Variants in ASAP1 observed in about 807,000 individuals in gnomAD.
ASAP1 encodes arf-GAP with SH3 domain, ANK repeat and PH domain-containing protein 1.
A neutral mutation model predicts 145.2 loss-of-function variants in ASAP1; 43 were observed. That is an observed-to-expected ratio of 0.30 (90% confidence interval 0.23 to 0.38). ASAP1 has a LOEUF of 0.38. Among genes scored for constraint, ASAP1 ranks in the 10% least tolerant of loss-of-function variants. ASAP1 has a pLI of 1.00. For missense variants in ASAP1, 1,018 were observed against 1,355.3 expected, an observed-to-expected ratio of 0.75 and a Z score of 3.91; for synonymous variants, 546 against 515.5, an observed-to-expected ratio of 1.06 and a Z score of -0.80.
intron 7 of ASAP1, among the ~76,000 whole-genome samples, chr8:130,185,729 CAAAAAAAAA>C (rs778486303): frequency 1.8e-5 from 1 of 57,120 alleles, no homozygotes; most frequent in African/African-American, 6.0e-5. Flanking sequence ...AACTCCGCCT[CAAAAAAAAA>C]AAAAAAAAAA....
chr8:130,294,353 C>T (rs533707088), intron 3 of ASAP1, among the ~76,000 whole-genome samples: 12 of 152,304 alleles, frequency 7.9e-5, no homozygotes, highest in African/African-American at 2.9e-4. Context: ...CCCTGGTGTA[C>T]AGTCACCTCC....
At chr8:130,168,559 C>T (rs964799860) in intron 10 of ASAP1, among the ~76,000 whole-genome samples, 1 of 152,158 alleles carries the variant, frequency 6.6e-6, no homozygotes, top group Non-Finnish European at 1.5e-5. Flanking sequence ...CACTGTACTC[C>T]AGCCTGGGCG....
chr8:130,317,555 A>G (rs1823740469), intron 3 of ASAP1, among the ~76,000 whole-genome samples: 1 of 152,176 alleles, frequency 6.6e-6, no homozygotes, highest in Admixed American at 6.5e-5. Context: ...GGTTTTTTAT[A>G]GCCTCCTCTC....
chr8:130,152,686 G>C (rs780163111), intron 13 of ASAP1, 50 bp downstream of exon 13: 7 of 1,400,180 alleles, frequency 5.0e-6, no homozygotes, highest in Non-Finnish European at 7.0e-6. Flanking sequence ...GTACATAATC[G>C]TGTTTGCTTT....
At chr8:130,378,578 G>T (rs772894179) in intron 2 of ASAP1, among the ~76,000 whole-genome samples, 1 of 152,184 alleles carries the variant, frequency 6.6e-6, no homozygotes, top group Non-Finnish European at 1.5e-5. Flanking sequence ...GAGGTCAGAC[G>T]GGTAGGCAAG....
At chr8:130,138,708 T>C (rs1051988456) in intron 13 of ASAP1, among the ~76,000 whole-genome samples, 1 of 151,644 alleles carries the variant, frequency 6.6e-6, no homozygotes, top group African/African-American at 2.4e-5. Flanking sequence ...TGGTGTCGGG[T>C]GCCTGTAATC....
chr8:130,122,181 A>ATGT (rs2097567327), intron 18 of ASAP1, among the ~76,000 whole-genome samples: 12 of 152,074 alleles, frequency 7.9e-5, no homozygotes, highest in Admixed American at 7.9e-4. Context: ...TCTTGTTGTA[A>ATGT]TTTCTTCATA....
At chr8:130,264,969 G>A (rs529495653) in intron 3 of ASAP1, among the ~76,000 whole-genome samples, 3 of 152,280 alleles carry the variant, frequency 2.0e-5, no homozygotes, top group Non-Finnish European at 2.9e-5. Context: ...CACAGGCAAA[G>A]TATGGGAGGA....
intron 3 of ASAP1, among the ~76,000 whole-genome samples, chr8:130,338,542 A>C (rs1231445401): frequency 6.6e-6 from 1 of 152,220 alleles, no homozygotes; most frequent in South Asian, 2.1e-4. Flanking sequence ...CAGTCATCCC[A>C]GCAAACACTC....
intron 3 of ASAP1, among the ~76,000 whole-genome samples, chr8:130,252,286 T>C (rs538434926): frequency 4.3e-4 from 65 of 152,350 alleles, no homozygotes; most frequent in African/African-American, 1.4e-3. Flanking sequence ...ATAATGTAAA[T>C]TATCTAGAAC....
intron 2 of ASAP1, among the ~76,000 whole-genome samples, chr8:130,378,043 ATGT>A (rs1011272003): frequency 2.0e-5 from 3 of 152,192 alleles, no homozygotes; most frequent in African/African-American, 7.2e-5. Flanking sequence ...GTAAAAGATA[ATGT>A]TGTTTCCCAG....
intron 27 of ASAP1, among the ~76,000 whole-genome samples, chr8:130,070,914 G>GGA (rs142730681): frequency 0.18 from 1,144 of 6,442 alleles, 239 homozygotes; most frequent in East Asian, 0.46. Context: ...GGAGAGAGAG[G>GGA]GGGAGAGAGA....
chr8:130,438,847 T>C (rs1830401664), intron 1 of ASAP1, among the ~76,000 whole-genome samples: 1 of 152,128 alleles, frequency 6.6e-6, no homozygotes, highest in Admixed American at 6.5e-5. Context: ...CGGTAAGATG[T>C]CCCTGACCCT....
chr8:130,290,554 T>C (rs925111306), intron 3 of ASAP1, among the ~76,000 whole-genome samples: 3 of 152,204 alleles, frequency 2.0e-5, no homozygotes, highest in Non-Finnish European at 4.4e-5. Context: ...CTAGTCGACA[T>C]GGGGATGTGT....
At chr8:130,197,782 C>A (rs990387986) in intron 5 of ASAP1, among the ~76,000 whole-genome samples, 1 of 152,168 alleles carries the variant, frequency 6.6e-6, no homozygotes, top group African/African-American at 2.4e-5. Flanking sequence ...CTATGAGAAA[C>A]GTCCAAGTCC....
chr8:130,088,316 G>A (rs1170684525), intron 25 of ASAP1, among the ~76,000 whole-genome samples: 1 of 152,134 alleles, frequency 6.6e-6, no homozygotes, highest in Non-Finnish European at 1.5e-5. Flanking sequence ...TTTTAGTAGA[G>A]ATGGGGTTTC....
At chr8:130,394,277 A>G (rs928261626) in intron 2 of ASAP1, among the ~76,000 whole-genome samples, 3 of 152,202 alleles carry the variant, frequency 2.0e-5, no homozygotes, top group African/African-American at 7.2e-5. Flanking sequence ...TCCCTGAGAA[A>G]GAGAATGCGC....
chr8:130,098,456 G>A (rs933111338), intron 24 of ASAP1, among the ~76,000 whole-genome samples: 11 of 152,098 alleles, frequency 7.2e-5, no homozygotes, highest in Admixed American at 3.3e-4. Context: ...CGATTCTCCT[G>A]TCTCAGCCTC....
At position 130,054,760 on chromosome 8, in the gene ASAP1, C is replaced by T. The variant is rs768155236; in HGVS notation, c.3361G>A (p.Val1121Met). Residue 1121 changes from valine to methionine, a missense_variant, in exon 30 of 30, where the codon GTG (valine) becomes ATG (methionine). Coordinates refer to ENST00000518721, the MANE Select transcript of ASAP1 (RefSeq NM_018482.4). ...GQPERKGVFP[V>M]SFVHILSD is the part of the protein sequence containing the mutation. ...TCAGACAGGATATGAACAAAGGACA[C>T]TGGAAAGACCCCCTTCCTTTCAGGC... The T allele has an allele frequency of 6.2e-7, 1 of 1,613,738 alleles. No individual in the cohort carries two copies. The highest frequency in any genetic ancestry group is 8.5e-7 in the Non-Finnish European group (1 of 1,179,700).
Sources: allele counts gnomAD v4.1 joint callset (sites outside exome capture counted in the v4.1 genomes callset), GRCh38; gene constraint gnomAD v4.1.1; transcripts MANE v1.5; gene names NCBI Gene and HGNC (gene_info 2026-07-23, HGNC 2026-07-21).